PCDHGC3: variants seen among roughly 807,000 people sequenced by gnomAD.
The protein encoded by PCDHGC3 is protocadherin gamma subfamily C, 3.
PCDHGC3 carries 26 observed loss-of-function variants against 59.2 expected under a neutral mutation model. The ratio of observed to expected loss-of-function variants is 0.44; its 90% CI spans 0.32 to 0.61. The LOEUF (loss-of-function observed/expected upper bound fraction) is 0.61. PCDHGC3 is among the 20% of genes least tolerant of loss of function. The pLI is 0.05. For synonymous variants in PCDHGC3, 487 were observed against 519.7 expected (o/e 0.94, Z 0.86); for missense variants, 1,080 against 1,221.8 (o/e 0.88, Z 1.73).
rs376101780 is a variant in PCDHGC3, at chr5:141,485,901, A to G, written c.2430+7355A>G. 3 of 1,614,026 alleles carry G rather than the reference A, an allele frequency of 1.9e-6. No homozygotes were observed. In the African/African-American group the frequency reaches 4.0e-5, roughly 22 times the overall value. Reference sequence around the variant, plus strand: ...GTAAACGACAACGCCCCAGCCTTCCAGCAATCCAGCTACAGGATTAGTGTG... The same window carrying G: ...GTAAACGACAACGCCCCAGCCTTCCGGCAATCCAGCTACAGGATTAGTGTG... On this transcript the variant is annotated intron_variant, in intron 1 of 3. Coordinates refer to ENST00000308177, the MANE Select transcript of PCDHGC3 (RefSeq NM_002588.4). This position sits in a 1 kb window ranked among gnomAD's most constrained non-coding sequence, Gnocchi z 5.7.
At chr5:141,479,685 G>A (rs749895405) in intron 1 of PCDHGC3, 3 of 152,248 alleles carry the variant, frequency 2.0e-5, no homozygotes, top group Non-Finnish European at 4.4e-5. Flanking sequence ...AGTCTTTTTG[G>A]TGCCTCCAGT....
In PCDHGC3 at chr5:141,476,868, C is replaced by G. The variant is rs1213404395; in HGVS notation, c.752C>G (p.Ala251Gly). The change falls in exon 1 of 4, where the codon GCG becomes GGG. Residue 251 changes from alanine to glycine, a missense_variant. Transcript: ENST00000308177. This position sits in a 1 kb window ranked among gnomAD's most constrained non-coding sequence, Gnocchi z 7.6. ...APVFNQSLYR[A>G]RVLEDAPSGT... is the part of the protein sequence containing the mutation. Reference sequence around the variant, plus strand: ...GTCTTCAACCAGTCCTTGTACCGGGCGCGCGTCCTGGAGGATGCACCCTCC... The same window carrying G: ...GTCTTCAACCAGTCCTTGTACCGGGGGCGCGTCCTGGAGGATGCACCCTCC... 2.5e-6 allele frequency: 4 copies of G among 1,613,874 alleles called. No homozygotes were observed. Among genetic ancestry groups the G allele is most frequent in the Non-Finnish European group, 3.4e-6 (4 of 1,180,050 alleles).
rs915257485 is a variant in PCDHGC3, at chr5:141,476,018, A to T, written c.-99A>T. ...AACGGCATCCAGAAAGCCATGTCGG[A>T]CTCGGCGCCCAGCGCCCAAGCGCTA... On this transcript the variant is annotated 5_prime_UTR_variant, in exon 1 of 4. Transcript: ENST00000308177. This position sits in a 1 kb window ranked among gnomAD's most constrained non-coding sequence, Gnocchi z 7.6. The T allele has an allele frequency of 5.8e-6, 8 of 1,371,412 alleles. No homozygotes were observed. Among genetic ancestry groups the T allele is most frequent in the Non-Finnish European group, 7.9e-6 (8 of 1,016,908 alleles). The allele number at this position is 1,371,412 out of a possible 1,614,324, so 85.0% of individuals were successfully genotyped here.
Position 141,491,414 on chromosome 5 carries a change from G to A in PCDHGC3, c.2431-3393G>A. On this transcript the variant is annotated intron_variant, in intron 1 of 3. Coordinates refer to ENST00000308177, the MANE Select transcript of PCDHGC3 (RefSeq NM_002588.4). The surrounding 1 kb of genome is among the most constrained non-coding windows in gnomAD (Gnocchi z 6.9). ...CTTCAGGGAAACGCAGACGGGGACGGGGGTGGAGGGCAGTGCTGCAGGCGC... is the reference window on the plus strand; with the variant it reads ...CTTCAGGGAAACGCAGACGGGGACGAGGGTGGAGGGCAGTGCTGCAGGCGC... 2 of 1,614,126 alleles carry A rather than the reference G, an allele frequency of 1.2e-6. No individual in the cohort carries two copies. Among genetic ancestry groups the A allele is most frequent in the Non-Finnish European group, 1.7e-6 (2 of 1,180,022 alleles).
At chr5:141,483,240 T>C (rs2099578643) in intron 1 of PCDHGC3, among the ~76,000 whole-genome samples, 2 of 151,742 alleles carry the variant, frequency 1.3e-5, no homozygotes, top group Non-Finnish European at 1.5e-5. Flanking sequence ...TGAACTGATA[T>C]GCATATATCA....
In PCDHGC3 at chr5:141,489,522, C is replaced by T. The variant is rs371948070; in HGVS notation, c.2431-5285C>T. 2.5e-6 allele frequency: 4 copies of T among 1,614,088 alleles called. No individual in the cohort carries two copies. Among genetic ancestry groups the T allele is most frequent in the Non-Finnish European group, 3.4e-6 (4 of 1,180,036 alleles). On this transcript the variant is annotated intron_variant, in intron 1 of 3. Coordinates refer to ENST00000308177, the MANE Select transcript of PCDHGC3 (RefSeq NM_002588.4). The surrounding 1 kb of genome is among the most constrained non-coding windows in gnomAD (Gnocchi z 4.5). ...TGAATCAAAAGATTGACCGAGAAAG[C>T]CTATGTGGAGCCAGCACCAGCTGCC...
At chr5:141,478,832 G>A in intron 1 of PCDHGC3, 1 of 1,435,464 alleles carries the variant, frequency 7.0e-7, no homozygotes, top group South Asian at 1.5e-5. Context: ...TCTTGCTAAG[G>A]GATGGTTAAG....
Position 141,487,686 on chromosome 5 carries a change from T to G in PCDHGC3, c.2431-7121T>G, listed in dbSNP as rs778973495. The G allele has an allele frequency of 4.4e-6, 7 of 1,605,914 alleles. 1 individual carries two copies. The African/African-American group carries it at 9.4e-5, about 21-fold the overall frequency. On this transcript the variant is annotated intron_variant, in intron 1 of 3. Coordinates refer to ENST00000308177, the MANE Select transcript of PCDHGC3 (RefSeq NM_002588.4). The surrounding 1 kb of genome is among the most constrained non-coding windows in gnomAD (Gnocchi z 5.0). Reference sequence around the variant, plus strand: ...CCAGGCATATGGCTAGGCCATGTCCTAGAGAGTACTGGCCTCTCAGTAAGT... The same window carrying G: ...CCAGGCATATGGCTAGGCCATGTCCGAGAGAGTACTGGCCTCTCAGTAAGT...
At position 141,512,881 on chromosome 5, in the gene PCDHGC3, C is replaced by T. The variant is rs1274589284; in HGVS notation, c.*1708C>T. 1.3e-5 allele frequency: 2 copies of T among 152,268 alleles called. No homozygotes were observed. Among genetic ancestry groups the T allele is most frequent in the African/African-American group, 4.8e-5 (2 of 41,458 alleles). 9.4% of individuals were successfully genotyped at this position (152,268 alleles called of 1,614,324 possible). On this transcript the variant is annotated 3_prime_UTR_variant, in exon 4 of 4. Coordinates refer to ENST00000308177, the MANE Select transcript of PCDHGC3 (RefSeq NM_002588.4). Reference sequence around the variant, plus strand: ...TCGCATAGTCACGTAGCTCCCACCCCACCCTCTTCCTGTGTCTCACGCAAG... The same window carrying T: ...TCGCATAGTCACGTAGCTCCCACCCTACCCTCTTCCTGTGTCTCACGCAAG...
chr5:141,488,565 C>A (rs1308485284), intron 1 of PCDHGC3, among the ~76,000 whole-genome samples: 1 of 152,174 alleles, frequency 6.6e-6, no homozygotes, highest in Non-Finnish European at 1.5e-5. Flanking sequence ...GAGATTTCCG[C>A]AAAGCATTGC....
intron 2 of PCDHGC3, among the ~76,000 whole-genome samples, chr5:141,505,069 G>A (rs2099843308): frequency 2.0e-5 from 3 of 152,340 alleles, no homozygotes; most frequent in East Asian, 1.9e-4. Flanking sequence ...GACTGAGGCA[G>A]GAGAATCGCT....
Position 141,489,343 on chromosome 5 carries a change from G to A in PCDHGC3, c.2431-5464G>A, listed in dbSNP as rs377697321. On this transcript the variant is annotated intron_variant, in intron 1 of 3. Coordinates refer to ENST00000308177, the MANE Select transcript of PCDHGC3 (RefSeq NM_002588.4). This position sits in a 1 kb window ranked among gnomAD's most constrained non-coding sequence, Gnocchi z 4.5. ...GGTGTCTGGGCAGCTTCGTTACTCA[G>A]TGGTGGAGGAGTCTGAGCCGGGGAC... The A allele has an allele frequency of 5.6e-6, 9 of 1,611,264 alleles. No individual in the cohort carries two copies. Among genetic ancestry groups the A allele is most frequent in the Non-Finnish European group, 7.6e-6 (9 of 1,178,202 alleles).
At position 141,490,960 on chromosome 5, in the gene PCDHGC3, T is replaced by G. The variant is rs1384140919; in HGVS notation, c.2431-3847T>G. 1.9e-6 allele frequency: 3 copies of G among 1,613,794 alleles called. No individual in the cohort carries two copies. In the Admixed American group the frequency reaches 5.0e-5, roughly 27 times the overall value. On this transcript the variant is annotated intron_variant, in intron 1 of 3. Transcript: ENST00000308177. The surrounding 1 kb of genome is among the most constrained non-coding windows in gnomAD (Gnocchi z 5.4). ...GCACCCACGGCCAGACTGGGAACAC[T>G]CAGCCCCCCAGCGTCTCCCTCGCTC...
intron 3 of PCDHGC3, among the ~76,000 whole-genome samples, chr5:141,510,214 A>G (rs1047332886): frequency 6.6e-6 from 1 of 151,406 alleles, no homozygotes; most frequent in Non-Finnish European, 1.5e-5. Context: ...CAGAGGTTGC[A>G]GTGAGCCGGG....
In PCDHGC3 at chr5:141,489,372, G is replaced by A. The variant is rs1335356378; in HGVS notation, c.2431-5435G>A. 2 of 1,613,814 alleles carry A rather than the reference G, an allele frequency of 1.2e-6. No individual in the cohort carries two copies. Among genetic ancestry groups the A allele is most frequent in the Non-Finnish European group, 1.7e-6 (2 of 1,179,700 alleles). On this transcript the variant is annotated intron_variant, in intron 1 of 3. Transcript: ENST00000308177. The surrounding 1 kb of genome is among the most constrained non-coding windows in gnomAD (Gnocchi z 4.5). ...TGGAGGAGTCTGAGCCGGGGACGCT[G>A]GTGGGGAATGTTGCTCAGGATCTGG...
Position 141,491,401 on chromosome 5 carries a change from G to T in PCDHGC3, c.2431-3406G>T, listed in dbSNP as rs1442005704. ...GTCAGCGAAGTGCCTTCAGGGAAAC[G>T]CAGACGGGGACGGGGGTGGAGGGCA... On this transcript the variant is annotated intron_variant, in intron 1 of 3. Coordinates refer to ENST00000308177, the MANE Select transcript of PCDHGC3 (RefSeq NM_002588.4). The surrounding 1 kb of genome is among the most constrained non-coding windows in gnomAD (Gnocchi z 6.9). 1.2e-6 allele frequency: 2 copies of T among 1,614,102 alleles called. No homozygotes were observed. Among genetic ancestry groups the T allele is most frequent in the Non-Finnish European group, 1.7e-6 (2 of 1,179,990 alleles).
At position 141,478,131 on chromosome 5, in the gene PCDHGC3, A is replaced by G. The variant is rs747801474; in HGVS notation, c.2015A>G (p.Glu672Gly). The G allele has an allele frequency of 6.2e-7, 1 of 1,614,064 alleles. No individual in the cohort carries two copies. The highest frequency in any genetic ancestry group is 8.5e-7 in the Non-Finnish European group (1 of 1,180,038). Reference sequence around the variant, plus strand: ...GTGTCAGTAACCGAGGACTCTCCTGAAGCCCGAGCCGAGTTCCCCTCTGGC... The same window carrying G: ...GTGTCAGTAACCGAGGACTCTCCTGGAGCCCGAGCCGAGTTCCCCTCTGGC... Reference protein sequence around the residue: ...LTVSVTEDSPEARAEFPSGSA... With the variant: ...LTVSVTEDSPGARAEFPSGSA... Residue 672 changes from glutamate to glycine, a missense_variant, in exon 1 of 4, where the codon GAA (glutamate) becomes GGA (glycine). Glu to Gly is a moderately conservative substitution (Grantham distance 98). Coordinates refer to ENST00000308177, the MANE Select transcript of PCDHGC3 (RefSeq NM_002588.4).
intron 2 of PCDHGC3, among the ~76,000 whole-genome samples, chr5:141,499,326 C>G (rs1465474737): frequency 6.6e-6 from 1 of 152,156 alleles, no homozygotes; most frequent in Non-Finnish European, 1.5e-5. Flanking sequence ...TATCCCTGCT[C>G]TCTCTCAGTT....
intron 3 of PCDHGC3, among the ~76,000 whole-genome samples, chr5:141,505,729 G>A (rs1026403192): frequency 7.9e-5 from 12 of 152,286 alleles, no homozygotes; most frequent in African/African-American, 2.9e-4. Flanking sequence ...AGGGAATAGT[G>A]GTTACAAGTC....
Sources: allele counts gnomAD v4.1 joint callset (sites outside exome capture counted in the v4.1 genomes callset), GRCh38; gene constraint gnomAD v4.1.1; non-coding constraint Gnocchi (gnomAD v3.1); transcripts MANE v1.5; gene names NCBI Gene and HGNC (gene_info 2026-07-23, HGNC 2026-07-21).